Variants in FOXP1 observed in about 807,000 individuals in gnomAD.
FOXP1 encodes the protein forkhead box protein P1.
A neutral mutation model predicts 98.2 loss-of-function variants in FOXP1; 15 were observed. That is an observed-to-expected ratio of 0.15 (90% CI 0.10 to 0.24). The LOEUF (loss-of-function observed/expected upper bound fraction) is 0.24. FOXP1 is among the 10% of genes least tolerant of loss of function. The pLI is 1.00. For synonymous variants in FOXP1, 371 were observed against 314.5 expected (o/e 1.18, Z -1.90); for missense variants, 633 against 848.5 (o/e 0.75, Z 3.15).
intron 3 of FOXP1, among the ~76,000 whole-genome samples, chr3:71,396,146 C>A (rs765540119): frequency 3.3e-5 from 5 of 151,944 alleles, no homozygotes; most frequent in Admixed American, 6.6e-5. Flanking sequence ...AGAGTTCAGT[C>A]TAACTTGAAC....
chr3:70,976,797 A>G, intron 17 of FOXP1, 144 bp downstream of exon 17: 1 of 664,712 alleles, frequency 1.5e-6, no homozygotes, highest in East Asian at 2.8e-5. Flanking sequence ...TATTTTCCCA[A>G]TCAAATACAC....
chr3:71,033,350 A>G (rs995283883), intron 11 of FOXP1, among the ~76,000 whole-genome samples: 21 of 152,200 alleles, frequency 1.4e-4, no homozygotes, highest in African/African-American at 4.6e-4. Flanking sequence ...TTCATATTAT[A>G]CAACATCCTA....
intron 7 of FOXP1, among the ~76,000 whole-genome samples, chr3:71,109,031 A>G (rs1327930497): frequency 2.6e-5 from 4 of 152,258 alleles, no homozygotes. Flanking sequence ...AAATTTGCGA[A>G]GCAAATGAAC....
intron 3 of FOXP1, among the ~76,000 whole-genome samples, chr3:71,464,583 A>T (rs1192014408): frequency 1.3e-5 from 2 of 152,116 alleles, no homozygotes; most frequent in Admixed American, 1.3e-4. Context: ...GCCAAATAGC[A>T]AGATGCCCTC....
chr3:71,081,719 T>C (rs896518135), intron 7 of FOXP1, among the ~76,000 whole-genome samples: 3 of 152,144 alleles, frequency 2.0e-5, no homozygotes, highest in Non-Finnish European at 4.4e-5. Flanking sequence ...TACAACTAAG[T>C]ATTACTCACC....
chr3:71,241,576 TCAAA>T (rs1309181960), intron 5 of FOXP1, among the ~76,000 whole-genome samples: 1 of 152,170 alleles, frequency 6.6e-6, no homozygotes, highest in Non-Finnish European at 1.5e-5. Flanking sequence ...ACTCTTCACA[TCAAA>T]CAGTCATCAG....
intron 3 of FOXP1, among the ~76,000 whole-genome samples, chr3:71,363,129 A>T (rs961281675): frequency 2.8e-5 from 4 of 143,522 alleles, no homozygotes; most frequent in Non-Finnish European, 5.9e-5. Context: ...AATAACTTTA[A>T]AAAAAAAAGG....
At chr3:71,553,641 T>C (rs2045927056) in intron 2 of FOXP1, among the ~76,000 whole-genome samples, 1 of 152,226 alleles carries the variant, frequency 6.6e-6, no homozygotes, top group Non-Finnish European at 1.5e-5. Context: ...ATATGTATGT[T>C]CATTCTTTGA....
intron 13 of FOXP1, among the ~76,000 whole-genome samples, chr3:70,991,635 G>C (rs2040617167): frequency 6.6e-6 from 1 of 152,200 alleles, no homozygotes; most frequent in Non-Finnish European, 1.5e-5. Context: ...GAAGGGCTTT[G>C]TATGTGTAAA....
chr3:71,020,878 GC>G (rs1278207894), intron 11 of FOXP1, among the ~76,000 whole-genome samples: 4 of 151,988 alleles, frequency 2.6e-5, no homozygotes, highest in Non-Finnish European at 5.9e-5. Flanking sequence ...GTACATCTGT[GC>G]CCATTACGGT....
intron 5 of FOXP1, among the ~76,000 whole-genome samples, chr3:71,227,031 C>T (rs754354289): frequency 6.6e-6 from 1 of 152,080 alleles, no homozygotes; most frequent in African/African-American, 2.4e-5. Flanking sequence ...ATGGCGGTGC[C>T]GGGCCTCCTG....
chr3:71,381,360 G>A (rs771389281), intron 3 of FOXP1, among the ~76,000 whole-genome samples: 10 of 150,686 alleles, frequency 6.6e-5, no homozygotes, highest in Non-Finnish European at 1.2e-4. Flanking sequence ...TCGTGGTCTC[G>A]ATCTCCTGAC....
intron 7 of FOXP1, among the ~76,000 whole-genome samples, chr3:71,058,583 C>G (rs2051001691): frequency 6.7e-6 from 1 of 148,422 alleles, no homozygotes; most frequent in Admixed American, 6.7e-5. Context: ...GAGAAAATAG[C>G]TCCATTAAAA....
In FOXP1 at chr3:70,959,404, T is replaced by C. The variant is rs750212749; in HGVS notation, c.1890-13A>G. On this transcript the variant is annotated splice_polypyrimidine_tract_variant and intron_variant, in intron 20 of 20. Transcript: ENST00000649528. Reference sequence around the variant, plus strand: ...GTGTACAGGATGCCTGGAAAAAATATGCAGAGGTTCAGTGAGGGTACTTCC... The same window carrying C: ...GTGTACAGGATGCCTGGAAAAAATACGCAGAGGTTCAGTGAGGGTACTTCC... 4 of 1,614,058 alleles carry C rather than the reference T, an allele frequency of 2.5e-6. No individual in the cohort carries two copies. The highest frequency in any genetic ancestry group is 3.4e-6 in the Non-Finnish European group (4 of 1,179,986).
intron 6 of FOXP1, chr3:71,197,821 T>A: frequency 1.3e-6 from 2 of 1,499,892 alleles, no homozygotes; most frequent in Non-Finnish European, 9.2e-7. Context: ...ATTTCCTTCT[T>A]CACAGGCTTA....
chr3:71,507,211 G>T (rs1335565087), intron 2 of FOXP1, among the ~76,000 whole-genome samples: 1 of 152,118 alleles, frequency 6.6e-6, no homozygotes, highest in Non-Finnish European at 1.5e-5. Context: ...ATAGAAACAG[G>T]TACTCTCATG....
At chr3:71,028,079 A>G (rs980816885) in intron 11 of FOXP1, among the ~76,000 whole-genome samples, 3 of 152,226 alleles carry the variant, frequency 2.0e-5, no homozygotes, top group African/African-American at 7.2e-5. Flanking sequence ...ACCGAAGCAC[A>G]CACACAAAAA....
intron 6 of FOXP1, among the ~76,000 whole-genome samples, chr3:71,158,074 T>G (rs2060912209): frequency 1.5e-5 from 1 of 66,070 alleles, no homozygotes; most frequent in Non-Finnish European, 3.2e-5. Context: ...GGTGGGAGGG[T>G]AAGACGAAAG....
intron 3 of FOXP1, among the ~76,000 whole-genome samples, chr3:71,463,354 C>CAAA (rs60302484): frequency 1.5e-5 from 1 of 65,374 alleles, no homozygotes; most frequent in Non-Finnish European, 2.8e-5. Context: ...GACACTGTCT[C>CAAA]AAAAAAAAAA....
Sources: allele counts gnomAD v4.1 joint callset (sites outside exome capture counted in the v4.1 genomes callset), GRCh38; gene constraint gnomAD v4.1.1; transcripts MANE v1.5; gene names NCBI Gene and HGNC (gene_info 2026-07-23, HGNC 2026-07-21).